Variants in CAMKMT observed in about 807,000 individuals in gnomAD.
CAMKMT encodes the protein calmodulin-lysine N-methyltransferase, also known as CaM KMT.
In CAMKMT, 53 loss-of-function variants were observed where a neutral mutation model predicts 48.0. The ratio of observed to expected loss-of-function variants is 1.10; its 90% CI spans 0.89 to 1.39. The LOEUF is 1.39. CAMKMT is among the 40% of genes most tolerant of loss of function. The pLI is 0.00. For synonymous variants in CAMKMT, 165 were observed against 152.3 expected (o/e 1.08, Z -0.61); for missense variants, 428 against 402.7 (o/e 1.06, Z -0.54).
rs73924729 is a variant in CAMKMT, at chr2:44,374,457, G to A, written c.311+1569G>A. On this transcript the variant is annotated intron_variant, in intron 2 of 10. Coordinates refer to ENST00000378494, the MANE Select transcript of CAMKMT (RefSeq NM_024766.5). ...CAGAGTGATCCAGTAGGGGTCTTTA[G>A]GTATAAAGTTCTAAAACTTATCTTC... 1.8e-3 allele frequency among the ~76,000 whole-genome samples: 271 copies of A among 152,278 alleles called. 2 individuals are homozygous for A. The highest frequency in any genetic ancestry group is 5.8e-3 in the African/African-American group (243 of 41,542).
At chr2:44,755,989 G>T (rs1680359829) in intron 9 of CAMKMT, among the ~76,000 whole-genome samples, 1 of 152,240 alleles carries the variant, frequency 6.6e-6, no homozygotes, top group South Asian at 2.1e-4. Context: ...ACTCAAGGCT[G>T]CCAGGTATTC....
chr2:44,606,438 G>C (rs1165062132), intron 3 of CAMKMT, among the ~76,000 whole-genome samples: 1 of 152,168 alleles, frequency 6.6e-6, no homozygotes, highest in Non-Finnish European at 1.5e-5. Context: ...AATGTTGGAA[G>C]AGGCTGGAGT....
chr2:44,755,714 C>T (rs1680344794), intron 9 of CAMKMT, among the ~76,000 whole-genome samples: 1 of 152,164 alleles, frequency 6.6e-6, no homozygotes, highest in South Asian at 2.1e-4. Context: ...CTCTTCTGTA[C>T]CCTCTAATAA....
At chr2:44,684,102 C>A (rs2104191489) in intron 3 of CAMKMT, among the ~76,000 whole-genome samples, 1 of 152,104 alleles carries the variant, frequency 6.6e-6, no homozygotes, top group South Asian at 2.1e-4. Flanking sequence ...GAGGGTGGGG[C>A]CAAGGAGGAG....
At chr2:44,501,800 C>T (rs1195373535) in intron 3 of CAMKMT, among the ~76,000 whole-genome samples, 1 of 152,026 alleles carries the variant, frequency 6.6e-6, no homozygotes, top group East Asian at 1.9e-4. Context: ...TTCGCTTGAG[C>T]CCAGGAGTTG....
chr2:44,557,592 C>T (rs941646904), intron 3 of CAMKMT, among the ~76,000 whole-genome samples: 2 of 152,120 alleles, frequency 1.3e-5, no homozygotes, highest in Admixed American at 6.5e-5. Flanking sequence ...TCTTTCCTTC[C>T]TCCCTTCTTC....
intron 3 of CAMKMT, among the ~76,000 whole-genome samples, chr2:44,596,884 A>G (rs1670702801): frequency 6.6e-6 from 1 of 152,236 alleles, no homozygotes. Context: ...CATTGCCAAC[A>G]GAAAATTGAA....
chr2:44,640,450 A>G (rs1186200620), intron 3 of CAMKMT, among the ~76,000 whole-genome samples: 1 of 152,138 alleles, frequency 6.6e-6, no homozygotes, highest in Non-Finnish European at 1.5e-5. Flanking sequence ...ATTTAACCGC[A>G]TGGGCTTTGG....
rs1668029039 is a variant in CAMKMT at position 44,556,638 on chromosome 2, T to A, written c.377-147645T>A. Among the ~76,000 whole-genome samples, 2 of 64,426 alleles carry A rather than the reference T, an allele frequency of 3.1e-5. 1 individual carries two copies. The highest frequency in any genetic ancestry group is 1.2e-4 in the African/African-American group (2 of 16,328). The allele number at this position is 64,426 out of a possible 152,430, so 42.3% of individuals were successfully genotyped here. A position where few individuals can be genotyped will look rare whatever the true frequency, so the allele number is the denominator to read the frequency against. ...GCGCCCGCCACCGCGCCCGGCTAAT[T>A]TTTTGTATTTTTAGTAGAGACGGGG... On this transcript the variant is annotated intron_variant, in intron 3 of 10. Coordinates refer to ENST00000378494, the MANE Select transcript of CAMKMT (RefSeq NM_024766.5).
At chr2:44,577,799 G>A (rs564783189) in intron 3 of CAMKMT, among the ~76,000 whole-genome samples, 351 of 152,218 alleles carry the variant, frequency 2.3e-3, no homozygotes, top group African/African-American at 7.9e-3. Flanking sequence ...GCTGGGAACA[G>A]GGGGCTGCAG....
At chr2:44,491,960 C>T (rs1467517306) in intron 3 of CAMKMT, among the ~76,000 whole-genome samples, 1 of 152,048 alleles carries the variant, frequency 6.6e-6, no homozygotes, top group Non-Finnish European at 1.5e-5. Flanking sequence ...TACTGATTTA[C>T]CTTAAATCGT....
intron 3 of CAMKMT, among the ~76,000 whole-genome samples, chr2:44,559,091 A>G (rs763112347): frequency 3.9e-4 from 60 of 152,196 alleles, no homozygotes; most frequent in Non-Finnish European, 5.9e-4. Context: ...CAGTTTCTAC[A>G]ACAGATGGTT....
At chr2:44,627,156 G>A (rs1361154520) in intron 3 of CAMKMT, among the ~76,000 whole-genome samples, 2 of 152,024 alleles carry the variant, frequency 1.3e-5, no homozygotes, top group Non-Finnish European at 2.9e-5. Flanking sequence ...CTTTGTTAAT[G>A]TGGTAAATTA....
Position 44,618,547 on chromosome 2 carries a change from C to T in CAMKMT, c.377-85736C>T, listed in dbSNP as rs961370848. Among the ~76,000 whole-genome samples, 3 of 152,166 alleles carry T rather than the reference C, an allele frequency of 2.0e-5. No homozygotes were observed. Among genetic ancestry groups the T allele is most frequent in the African/African-American group, 7.2e-5 (3 of 41,432 alleles). On this transcript the variant is annotated intron_variant, in intron 3 of 10. Transcript: ENST00000378494. This position sits in a 1 kb window ranked among gnomAD's most constrained non-coding sequence, Gnocchi z 4.0. The stretch of plus-strand genomic sequence containing the variant: ...CGTTGAGCATTGGTTGGTTTTAAGA[C>T]AAGTTAAATTAGCAGTCTTGAAATG...
chr2:44,592,842 G>C (rs951792264), intron 3 of CAMKMT, among the ~76,000 whole-genome samples: 1 of 152,114 alleles, frequency 6.6e-6, no homozygotes, highest in Non-Finnish European at 1.5e-5. Context: ...CCTAGAATAT[G>C]GTCTAGCTTG....
At chr2:44,414,689 G>A (rs541580099) in intron 3 of CAMKMT, among the ~76,000 whole-genome samples, 1 of 152,298 alleles carries the variant, frequency 6.6e-6, no homozygotes, top group Admixed American at 6.5e-5. Flanking sequence ...TACACAGGGT[G>A]GAAATATGAA....
intron 3 of CAMKMT, among the ~76,000 whole-genome samples, chr2:44,410,945 G>A (rs1271345415): frequency 6.6e-6 from 1 of 152,106 alleles, no homozygotes; most frequent in African/African-American, 2.4e-5. Flanking sequence ...GTAATTGATA[G>A]TTCTAAAGTA....
chr2:44,675,546 G>A (rs1209598821), intron 3 of CAMKMT, among the ~76,000 whole-genome samples: 2 of 151,946 alleles, frequency 1.3e-5, no homozygotes, highest in Non-Finnish European at 2.9e-5. Flanking sequence ...TGACATACAA[G>A]ACAAATTATT....
Position 44,614,936 on chromosome 2 carries a change from C to CTTTTTTTTTTTT in CAMKMT, c.377-89334_377-89323dup, listed in dbSNP as rs3083440. Among the ~76,000 whole-genome samples the CTTTTTTTTTTTT allele has an allele frequency of 1.8e-3, 88 of 48,988 alleles. 12 individuals are homozygous for CTTTTTTTTTTTT. The highest frequency in any genetic ancestry group is 3.4e-3 in the African/African-American group (33 of 9,642). The allele number at this position is 48,988 out of a possible 152,430, so 32.1% of individuals were successfully genotyped here. A position where few individuals can be genotyped will look rare whatever the true frequency, so the allele number is the denominator to read the frequency against. On this transcript the variant is annotated intron_variant, in intron 3 of 10. Coordinates refer to ENST00000378494, the MANE Select transcript of CAMKMT (RefSeq NM_024766.5). The stretch of plus-strand genomic sequence containing the variant: ...TCTAACCAGCTCTTTGGTCTCCTTG[C>CTTTTTTTTTTTT]TTTTTTTTTTTTTTTTTTTTTTTTG...
Sources: gnomAD v4.1 joint callset for allele counts (sites outside exome capture counted in the v4.1 genomes callset) on GRCh38, gnomAD v4.1.1 for gene constraint, Gnocchi (gnomAD v3.1) non-coding constraint, MANE v1.5 for transcripts, NCBI Gene and HGNC (gene_info 2026-07-23, HGNC 2026-07-21) for gene names.